The following DAAM2 variants were observed in gnomAD, a reference collection of about 807,000 sequenced individuals.
DAAM2 encodes disheveled-associated activator of morphogenesis 2.
In DAAM2, 39 loss-of-function variants were observed where a neutral mutation model predicts 120.7. That is an observed-to-expected ratio of 0.32 (90% CI 0.25 to 0.42). DAAM2 has a LOEUF of 0.42. Among genes scored for constraint, DAAM2 ranks in the 10% least tolerant of loss-of-function variants. The pLI, the probability that DAAM2 is intolerant of heterozygous loss-of-function variation, is 1.00. For missense variants in DAAM2, 1,283 were observed against 1,401.7 expected (o/e 0.92, Z 1.35); for synonymous variants, 488 against 524.9 (o/e 0.93, Z 0.96).
At chr6:39,893,123 CA>C (rs1417136432) in intron 19 of DAAM2, among the ~76,000 whole-genome samples, 2 of 152,228 alleles carry the variant, frequency 1.3e-5, no homozygotes, top group Non-Finnish European at 2.9e-5. Flanking sequence ...GTCAGTGGAA[CA>C]AATGTGAGCA....
intron 4 of DAAM2, among the ~76,000 whole-genome samples, 161 bp downstream of exon 4, chr6:39,864,668 A>G (rs1764352258): frequency 6.6e-6 from 1 of 152,010 alleles, no homozygotes; most frequent in African/African-American, 2.4e-5. Flanking sequence ...GTTATTCATG[A>G]AATTTTAAGG....
intron 21 of DAAM2, among the ~76,000 whole-genome samples, chr6:39,898,029 C>T (rs1156295053): frequency 6.6e-6 from 1 of 152,192 alleles, no homozygotes; most frequent in African/African-American, 2.4e-5. Flanking sequence ...ACAATTTGCT[C>T]TTAAATCCTT....
intron 15 of DAAM2, chr6:39,886,358 C>G (rs1765381036): frequency 2.5e-6 from 1 of 399,270 alleles, no homozygotes; most frequent in Non-Finnish European, 4.4e-6. Flanking sequence ...ATTTCTGGGT[C>G]CCCAAATGTC....
intron 1 of DAAM2, among the ~76,000 whole-genome samples, chr6:39,813,929 G>T (rs1169613532): frequency 1.3e-5 from 2 of 152,198 alleles, no homozygotes; most frequent in Non-Finnish European, 2.9e-5. Flanking sequence ...GATAAGTCAA[G>T]TGAGGTGTGG....
chr6:39,841,358 G>A (rs556818736), intron 1 of DAAM2, among the ~76,000 whole-genome samples: 154 of 144,790 alleles, frequency 1.1e-3, no homozygotes, highest in African/African-American at 3.5e-3. Context: ...GGCTCCAGGG[G>A]GAGGGAGTCC....
chr6:39,823,301 C>A (rs1269731608), intron 1 of DAAM2: 1 of 152,188 alleles, frequency 6.6e-6, no homozygotes, highest in Non-Finnish European at 1.5e-5. Context: ...GGTTCAACAT[C>A]CTCCTCTCCT....
Position 39,902,253 on chromosome 6 carries a change from C to T in DAAM2, c.*216C>T, listed in dbSNP as rs909626555. Reference sequence around the variant, plus strand: ...CCCTTCACATGATTCCTTCTGTGCCCTGGCCCCAGGTATTATTCTGAGGCT... The same window carrying T: ...CCCTTCACATGATTCCTTCTGTGCCTTGGCCCCAGGTATTATTCTGAGGCT... On this transcript the variant is annotated 3_prime_UTR_variant, in exon 25 of 25. Transcript: ENST00000274867. The T allele has an allele frequency of 2.8e-5, 13 of 456,386 alleles. No individual in the cohort carries two copies. The highest frequency in any genetic ancestry group is 1.2e-4 in the Admixed American group (3 of 25,322). 28.3% of individuals were successfully genotyped at this position (456,386 alleles called of 1,614,324 possible).
At chr6:39,888,829 C>A (rs1467825274) in intron 17 of DAAM2, 66 bp downstream of exon 17, 3 of 1,237,206 alleles carry the variant, frequency 2.4e-6, no homozygotes, top group Non-Finnish European at 3.5e-6. Context: ...TTCCCAACAG[C>A]CCCCAGGAGG....
At chr6:39,895,876 G>T (rs1296754226) in intron 19 of DAAM2, among the ~76,000 whole-genome samples, 1 of 152,148 alleles carries the variant, frequency 6.6e-6, no homozygotes, top group African/African-American at 2.4e-5. Flanking sequence ...GGGGAAAATG[G>T]TTAAGATGCC....
At chr6:39,860,782 C>T (rs1465930109) in intron 2 of DAAM2, 146 bp from the exon 3 acceptor site, 1 of 684,816 alleles carries the variant, frequency 1.5e-6, no homozygotes. Context: ...AAAGAAATGC[C>T]CTATCATATC....
In DAAM2 at chr6:39,878,738, G is replaced by A. The variant is rs887654656; in HGVS notation, c.1545+150G>A. 4.6e-5 allele frequency: 36 copies of A among 787,766 alleles called. No individual in the cohort carries two copies. Among genetic ancestry groups the A allele is most frequent in the Non-Finnish European group, 2.6e-5 (13 of 497,018 alleles). The allele number at this position is 787,766 out of a possible 1,614,324, so 48.8% of individuals were successfully genotyped here. On this transcript the variant is annotated intron_variant, in intron 13 of 24. Coordinates refer to ENST00000274867, the MANE Select transcript of DAAM2 (RefSeq NM_001201427.2). The surrounding 1 kb of genome is among the most constrained non-coding windows in gnomAD (Gnocchi z 5.0). ...GGGCCAGGATAGAAGAGACCCTTGA[G>A]GCTGTACAGGTGGCATCTTTGTGTT...
At chr6:39,794,482 A>G (rs1410910171) in intron 1 of DAAM2, among the ~76,000 whole-genome samples, 3 of 152,240 alleles carry the variant, frequency 2.0e-5, no homozygotes, top group African/African-American at 7.2e-5. Context: ...CAGGACAAAA[A>G]GAGGAGAGAA....
intron 1 of DAAM2, among the ~76,000 whole-genome samples, chr6:39,828,781 T>C (rs1229918199): frequency 6.6e-6 from 1 of 152,006 alleles, no homozygotes; most frequent in African/African-American, 2.4e-5. Context: ...CTGGATGGTG[T>C]TGATCTCCTG....
chr6:39,834,986 G>A (rs1763051541), intron 1 of DAAM2, among the ~76,000 whole-genome samples: 3 of 152,226 alleles, frequency 2.0e-5, no homozygotes, highest in Admixed American at 2.0e-4. Flanking sequence ...GCGGTATTAG[G>A]TGCCTCTCTC....
At chr6:39,876,805 TG>T (rs1764892268) in intron 11 of DAAM2, among the ~76,000 whole-genome samples, 1 of 152,118 alleles carries the variant, frequency 6.6e-6, no homozygotes, top group Non-Finnish European at 1.5e-5. Context: ...CTATTTACCC[TG>T]TAACCCCTTC....
chr6:39,819,832 C>T (rs886413454), intron 1 of DAAM2: 3 of 152,210 alleles, frequency 2.0e-5, no homozygotes, highest in Admixed American at 6.5e-5. Flanking sequence ...TCTCTGGGGT[C>T]TCTTTTATAA....
chr6:39,847,144 G>A (rs1303953994), intron 1 of DAAM2, among the ~76,000 whole-genome samples: 1 of 152,226 alleles, frequency 6.6e-6, no homozygotes, highest in East Asian at 1.9e-4. Context: ...CACAGGCCCT[G>A]CTGTGTTTCT....
intron 5 of DAAM2, 145 bp downstream of exon 5, chr6:39,865,219 C>A: frequency 1.6e-6 from 1 of 637,016 alleles, no homozygotes; most frequent in Admixed American, 2.4e-5. Flanking sequence ...CCAGCCCCTA[C>A]TCCTCTCCTG....
intron 14 of DAAM2, among the ~76,000 whole-genome samples, chr6:39,881,149 T>C (rs1168865126): frequency 6.6e-6 from 1 of 152,224 alleles, no homozygotes; most frequent in Non-Finnish European, 1.5e-5. Flanking sequence ...AGCTGTGTGC[T>C]CAGGAGTTTC....
Sources: gnomAD v4.1 joint callset for allele counts (sites outside exome capture counted in the v4.1 genomes callset) on GRCh38, gnomAD v4.1.1 for gene constraint, Gnocchi (gnomAD v3.1) non-coding constraint, MANE v1.5 for transcripts, NCBI Gene and HGNC (gene_info 2026-07-23, HGNC 2026-07-21) for gene names.